The following CPED1 variants were observed in gnomAD, a reference collection of about 807,000 sequenced individuals.
CPED1 encodes the protein cadherin like and PC-esterase domain containing 1, also known as cadherin-like and PC-esterase domain-containing protein 1.
Under a neutral mutation model 128.2 loss-of-function variants are expected in CPED1, and 114 were observed. The observed-to-expected ratio is 0.89, with a 90% CI of 0.76 to 1.04. CPED1 has a LOEUF of 1.04. Among genes scored for constraint, CPED1 ranks in the 50% least tolerant of loss-of-function variants. CPED1 has a pLI of 0.00. For synonymous variants in CPED1, 462 were observed against 426.7 expected (o/e 1.08, Z -1.02); for missense variants, 1,211 against 1,207.1 (o/e 1.00, Z -0.05).
intron 16 of CPED1, among the ~76,000 whole-genome samples, chr7:121,157,865 A>G (rs1328832633): frequency 2.0e-5 from 3 of 152,138 alleles, no homozygotes; most frequent in Non-Finnish European, 2.9e-5. Flanking sequence ...TTCACTGACA[A>G]TTTACCCTCC....
intron 14 of CPED1, among the ~76,000 whole-genome samples, chr7:121,137,258 A>G (rs1296525949): frequency 6.6e-6 from 1 of 152,008 alleles, no homozygotes; most frequent in Non-Finnish European, 1.5e-5. Context: ...TGCAACCTCG[A>G]CTTCCTGGGC....
intron 3 of CPED1, among the ~76,000 whole-genome samples, chr7:121,030,662 A>C (rs532282323): frequency 2.4e-4 from 37 of 152,302 alleles, no homozygotes; most frequent in African/African-American, 8.2e-4. Context: ...ATATTGTTAT[A>C]ATTATTCTAT....
intron 5 of CPED1, among the ~76,000 whole-genome samples, chr7:121,070,035 GTCC>G (rs1369207985): frequency 1.3e-5 from 2 of 151,762 alleles, no homozygotes; most frequent in Non-Finnish European, 2.9e-5. Context: ...TAGGATTTGT[GTCC>G]TCATTTTAAA....
At chr7:121,076,188 G>A (rs895402907) in intron 5 of CPED1, among the ~76,000 whole-genome samples, 1 of 152,144 alleles carries the variant, frequency 6.6e-6, no homozygotes, top group African/African-American at 2.4e-5. Context: ...TGCCTGGACT[G>A]ATTTCTCTAT....
chr7:121,002,884 G>A (rs1791900266), intron 2 of CPED1, among the ~76,000 whole-genome samples: 1 of 152,168 alleles, frequency 6.6e-6, no homozygotes, highest in South Asian at 2.1e-4. Flanking sequence ...CCAATAATGT[G>A]TACGTAATCC....
intron 3 of CPED1, among the ~76,000 whole-genome samples, chr7:121,036,578 G>C (rs1206387681): frequency 2.7e-5 from 4 of 149,372 alleles, no homozygotes; most frequent in Non-Finnish European, 5.9e-5. Context: ...TTTTGAAATT[G>C]CAAATTGTGG....
intron 13 of CPED1, among the ~76,000 whole-genome samples, chr7:121,134,734 A>C (rs988670783): frequency 2.6e-5 from 4 of 152,184 alleles, no homozygotes; most frequent in Admixed American, 2.6e-4. Context: ...TAAAACTTTA[A>C]AAAAGATAGT....
intron 7 of CPED1, among the ~76,000 whole-genome samples, chr7:121,105,108 A>AAGACACTTAC (rs1794941735): frequency 1.3e-5 from 2 of 152,050 alleles, no homozygotes; most frequent in Non-Finnish European, 2.9e-5. Flanking sequence ...GTTCCCTCTC[A>AAGACACTTAC]CATCAATACA....
At chr7:121,108,824 AAGCC>A (rs1795042999) in intron 7 of CPED1, among the ~76,000 whole-genome samples, 1 of 152,118 alleles carries the variant, frequency 6.6e-6, no homozygotes, top group Non-Finnish European at 1.5e-5. Context: ...ACTCTAGTCT[AAGCC>A]AGTCACCACA....
chr7:121,295,643 G>T lies in CPED1; in HGVS notation c.3072G>T (p.Arg1024Ser). The change falls in exon 23 of 23, where the codon AGG becomes AGT. Residue 1024 changes from arginine to serine, a missense_variant. Physicochemically the swap from Arg to Ser is moderately radical, Grantham distance 110. Coordinates refer to ENST00000310396, the MANE Select transcript of CPED1 (RefSeq NM_024913.5). ...TCAGCAGGATGTGTGCAAATAAAAG[G>T]ACTATGTAGGCTCCCTGCAGGAGAG... Reference protein sequence around the residue: ...ILLSRMCANKRTM With the variant: ...ILLSRMCANKSTM 1 of 1,613,630 alleles carries T rather than the reference G, an allele frequency of 6.2e-7. No individual in the cohort carries two copies. Among genetic ancestry groups the T allele is most frequent in the South Asian group, 1.1e-5 (1 of 91,056 alleles).
chr7:121,167,483 T>C (rs531693453), intron 16 of CPED1, among the ~76,000 whole-genome samples: 1 of 152,314 alleles, frequency 6.6e-6, no homozygotes, highest in Admixed American at 6.5e-5. Context: ...ATAAGCATCG[T>C]ATTCTAACAA....
intron 22 of CPED1, among the ~76,000 whole-genome samples, chr7:121,283,715 C>T (rs1473924876): frequency 6.6e-6 from 1 of 152,188 alleles, no homozygotes; most frequent in Non-Finnish European, 1.5e-5. Context: ...ACACTGCTAC[C>T]TCTGATTTCT....
intron 14 of CPED1, among the ~76,000 whole-genome samples, 179 bp from the exon 15 acceptor site, chr7:121,140,648 G>T (rs555933301): frequency 6.6e-6 from 1 of 152,102 alleles, no homozygotes; most frequent in East Asian, 1.9e-4. Flanking sequence ...CAAATCTGAT[G>T]AATTGAAAAG....
intron 2 of CPED1, among the ~76,000 whole-genome samples, chr7:121,007,231 A>ATTTTTTTT (rs398006038): frequency 6.2e-5 from 8 of 129,824 alleles, no homozygotes; most frequent in Non-Finnish European, 8.0e-5. Flanking sequence ...TTCAGGTTGC[A>ATTTTTTTT]TTTTTTTTTT....
chr7:121,214,494 G>A (rs542043246), intron 16 of CPED1, among the ~76,000 whole-genome samples: 56 of 151,980 alleles, frequency 3.7e-4, no homozygotes, highest in African/African-American at 1.1e-3. Context: ...AGGTGTTGCC[G>A]TATTGGCTAG....
In CPED1 at chr7:121,040,856, C is replaced by T. The variant is rs539277585; in HGVS notation, c.434-6031C>T. 1.9e-3 allele frequency among the ~76,000 whole-genome samples: 286 copies of T among 152,048 alleles called. 2 individuals are homozygous for T. The highest frequency in any genetic ancestry group is 6.6e-3 in the African/African-American group (273 of 41,546). On this transcript the variant is annotated intron_variant, in intron 3 of 22. Transcript: ENST00000310396. ...TAATATCGTGAATAAGTAAATGAGG[C>T]TTGGCTTTTGTAGCTTTGTATTCTA...
chr7:121,225,981 C>G (rs1797999872), intron 16 of CPED1, among the ~76,000 whole-genome samples: 1 of 152,100 alleles, frequency 6.6e-6, no homozygotes, highest in Admixed American at 6.5e-5. Flanking sequence ...CTACTTCTGT[C>G]AACTCATTAA....
chr7:121,088,640 C>T (rs916301365), intron 5 of CPED1, among the ~76,000 whole-genome samples: 7 of 145,002 alleles, frequency 4.8e-5, no homozygotes, highest in East Asian at 3.9e-4. Context: ...GCCTGGGCGA[C>T]GGTGCGAGAC....
intron 6 of CPED1, 111 bp from the exon 7 acceptor site, chr7:121,099,805 CACACTGAGGG>C: frequency 1.0e-6 from 1 of 987,218 alleles, no homozygotes; most frequent in Non-Finnish European, 1.5e-6. Context: ...AGGAAACCCA[CACACTGAGGG>C]CTGGCGTCCT....
Sources: allele counts gnomAD v4.1 joint callset (sites outside exome capture counted in the v4.1 genomes callset), GRCh38; gene constraint gnomAD v4.1.1; transcripts MANE v1.5; gene names NCBI Gene and HGNC (gene_info 2026-07-23, HGNC 2026-07-21).